UBE2W: variants seen among roughly 807,000 people sequenced by gnomAD.
UBE2W encodes the protein ubiquitin conjugating enzyme E2 W.
In UBE2W, 18 loss-of-function variants were observed where a neutral mutation model predicts 27.2. That is an observed-to-expected ratio of 0.66 (90% CI 0.46 to 0.98). The LOEUF (loss-of-function observed/expected upper bound fraction) is 0.98, where lower values mean the gene tolerates loss of function less well. Ranked by LOEUF, UBE2W falls within the 50% of genes least tolerant of loss-of-function variation. The probability of loss-of-function intolerance (pLI) is 0.00; values close to 1 mark genes in which losing one functional copy is unlikely to be tolerated. For synonymous variants in UBE2W, 53 were observed against 57.2 expected, an observed-to-expected ratio of 0.93 and a Z score of 0.33; for missense variants, 90 against 180.2, an observed-to-expected ratio of 0.50 and a Z score of 2.87.
downstream of UBE2W, among the ~76,000 whole-genome samples, chr8:73,784,974 CCCTGACTCACAAGGA>C (rs1807909986): frequency 6.6e-6 from 1 of 152,144 alleles, no homozygotes; most frequent in African/African-American, 2.4e-5. Flanking sequence ...TTCAATCTTA[CCCTGACTCACAAGGA>C]CCTACATCAT....
At chr8:73,809,493 C>G (rs1015508742) in intron 4 of UBE2W, among the ~76,000 whole-genome samples, 16 of 152,132 alleles carry the variant, frequency 1.1e-4, no homozygotes, top group African/African-American at 3.6e-4. Context: ...CTATACTAAC[C>G]CTTAAGCAGG....
intron 1 of UBE2W, among the ~76,000 whole-genome samples, chr8:73,844,014 T>C (rs1810657494): frequency 6.6e-6 from 1 of 152,100 alleles, no homozygotes; most frequent in African/African-American, 2.4e-5. Context: ...ACAACAATAA[T>C]AATGCCTGAG....
chr8:73,837,160 C>A (rs1436678345), intron 1 of UBE2W, among the ~76,000 whole-genome samples: 1 of 152,140 alleles, frequency 6.6e-6, no homozygotes, highest in East Asian at 1.9e-4. Context: ...CAATGACACA[C>A]CTTCAATAAC....
At chr8:73,869,076 T>C (rs1357269704) in intron 1 of UBE2W, among the ~76,000 whole-genome samples, 1 of 152,178 alleles carries the variant, frequency 6.6e-6, no homozygotes, top group Non-Finnish European at 1.5e-5. Context: ...AATGGGCCAT[T>C]ACTTGGCTAC....
Position 73,788,272 on chromosome 8 carries a change from T to A in UBE2W, c.*5830A>T. 1 of 966,826 alleles carries A rather than the reference T, an allele frequency of 1.0e-6. No homozygotes were observed. Among genetic ancestry groups the A allele is most frequent in the South Asian group, 4.8e-5 (1 of 20,906 alleles). 59.9% of individuals were successfully genotyped at this position (966,826 alleles called of 1,614,324 possible). On this transcript the variant is annotated 3_prime_UTR_variant, in exon 6 of 6. Coordinates refer to ENST00000602593, the MANE Select transcript of UBE2W (RefSeq NM_018299.6). ...TAACATTTATATTCTATTTAAAAAG[T>A]AGTGACTTTACATATTTTGCAACTT...
At chr8:73,801,722 C>T (rs1042888219) in intron 5 of UBE2W, among the ~76,000 whole-genome samples, 3 of 152,026 alleles carry the variant, frequency 2.0e-5, no homozygotes, top group African/African-American at 4.8e-5. Context: ...CATGAAGAAG[C>T]GGCTTAGTGT....
chr8:73,876,442 A>G (rs7816957), intron 1 of UBE2W, among the ~76,000 whole-genome samples: 3,516 of 152,310 alleles, frequency 0.023, 141 homozygotes, highest in African/African-American at 0.081. Context: ...GCAAATCTGC[A>G]CTAGATATTT....
rs116035266 is a variant in UBE2W at position 73,790,958 on chromosome 8, G to T, written c.*3144C>A. The T allele has an allele frequency of 9.8e-4, 957 of 979,900 alleles. 8 individuals carry two copies. In the African/African-American group the frequency reaches 0.016, roughly 16 times the overall value. The allele number at this position is 979,900 out of a possible 1,614,324, so 60.7% of individuals were successfully genotyped here. A position where few individuals can be genotyped will look rare whatever the true frequency, so the allele number is the denominator to read the frequency against. On this transcript the variant is annotated 3_prime_UTR_variant, in exon 6 of 6. Transcript: ENST00000602593. ...ATATTTAAAATTTCATGAGGGAAAA[G>T]GTAATAAACTATTCTAGTTATTTTA...
chr8:73,809,411 C>T (rs1029461662), intron 4 of UBE2W, among the ~76,000 whole-genome samples: 4 of 151,976 alleles, frequency 2.6e-5, no homozygotes, highest in African/African-American at 9.7e-5. Flanking sequence ...CTCCTTTAAA[C>T]AGAATGCAAA....
chr8:73,859,739 A>G (rs886283356), intron 1 of UBE2W, among the ~76,000 whole-genome samples: 1 of 152,154 alleles, frequency 6.6e-6, no homozygotes, highest in African/African-American at 2.4e-5. Flanking sequence ...TTCAAGGGTT[A>G]ACTGTAAATT....
chr8:73,874,571 C>A (rs1416577149), intron 1 of UBE2W, among the ~76,000 whole-genome samples: 1 of 152,216 alleles, frequency 6.6e-6, no homozygotes, highest in Non-Finnish European at 1.5e-5. Context: ...AAATTCACTT[C>A]AATAAAAGAA....
rs115802482 is a variant in UBE2W at position 73,867,858 on chromosome 8, C to G, written c.15+10950G>C. On this transcript the variant is annotated intron_variant, in intron 1 of 5. Coordinates refer to ENST00000602593, the MANE Select transcript of UBE2W (RefSeq NM_018299.6). ...AAAACCACAATGAGATGCCACTTCA[C>G]ACTAGGATGCTATCATCAAAAAACC... Among the ~76,000 whole-genome samples the G allele has an allele frequency of 1.1e-3, 167 of 152,196 alleles. 1 individual carries two copies. Among genetic ancestry groups the G allele is most frequent in the African/African-American group, 3.7e-3 (154 of 41,522 alleles).
intron 1 of UBE2W, among the ~76,000 whole-genome samples, chr8:73,854,249 A>G (rs954841161): frequency 2.0e-5 from 3 of 152,148 alleles, no homozygotes; most frequent in African/African-American, 7.2e-5. Flanking sequence ...TAGGGGAGGC[A>G]ATACAAATGC....
At chr8:73,846,706 CAA>C (rs1304390670) in intron 1 of UBE2W, among the ~76,000 whole-genome samples, 6 of 152,074 alleles carry the variant, frequency 3.9e-5, no homozygotes, top group Non-Finnish European at 7.4e-5. Context: ...TAAAATAAAA[CAA>C]GACAGAACGA....
intron 1 of UBE2W, among the ~76,000 whole-genome samples, chr8:73,872,256 A>ATATT (rs1322583754): frequency 1.3e-5 from 2 of 152,214 alleles, no homozygotes; most frequent in Non-Finnish European, 2.9e-5. Flanking sequence ...ACTACCGTAA[A>ATATT]TATTTGTCCA....
intron 1 of UBE2W, chr8:73,831,946 A>ACGAG (rs1357291565): frequency 5.3e-5 from 8 of 151,914 alleles, no homozygotes; most frequent in Non-Finnish European, 1.2e-4. Flanking sequence ...AATTTTTAAC[A>ACGAG]CGAGTTCCCA....
chr8:73,826,715 G>A (rs1024914281), intron 2 of UBE2W, among the ~76,000 whole-genome samples: 3 of 152,180 alleles, frequency 2.0e-5, no homozygotes, highest in East Asian at 1.9e-4. Flanking sequence ...TACTGAAGTC[G>A]CAGTTATAGT....
intron 1 of UBE2W, among the ~76,000 whole-genome samples, chr8:73,874,776 T>G (rs1812148610): frequency 6.6e-6 from 1 of 152,246 alleles, no homozygotes; most frequent in East Asian, 1.9e-4. Context: ...AATGATGGTT[T>G]CTTAAGACTG....
At chr8:73,866,675 A>G (rs1202239493) in intron 1 of UBE2W, among the ~76,000 whole-genome samples, 1 of 152,136 alleles carries the variant, frequency 6.6e-6, no homozygotes. Context: ...CCAAATAAAC[A>G]AAGAAAAAAA....
Sources: allele counts gnomAD v4.1 joint callset (sites outside exome capture counted in the v4.1 genomes callset), GRCh38; gene constraint gnomAD v4.1.1; transcripts MANE v1.5; gene names NCBI Gene and HGNC (gene_info 2026-07-23, HGNC 2026-07-21).